KCNB2: variants seen among roughly 807,000 people sequenced by gnomAD.
KCNB2 encodes potassium voltage-gated channel subfamily B member 2.
In KCNB2, 15 loss-of-function variants were observed where a neutral mutation model predicts 61.5. The observed-to-expected ratio is 0.24, with a 90% CI of 0.16 to 0.38. KCNB2 has a LOEUF of 0.38. KCNB2 is among the 10% of genes least tolerant of loss of function. KCNB2 has a pLI of 1.00. For synonymous variants in KCNB2, 457 were observed against 446.0 expected (o/e 1.02, Z -0.31); for missense variants, 828 against 1,125.2 (o/e 0.74, Z 3.78).
rs974543722 is a variant in KCNB2 at position 72,844,479 on chromosome 8, T to C, written c.580-91456T>C. 3.3e-5 allele frequency among the ~76,000 whole-genome samples: 5 copies of C among 152,224 alleles called. No homozygotes were observed. In the South Asian group the frequency reaches 8.3e-4, roughly 25 times the overall value. On this transcript the variant is annotated intron_variant, in intron 2 of 2. Transcript: ENST00000523207. ...CTCTATATTTCCTGAATTTGAATGT[T>C]GCCCTATCTTGCTAGGTTGGGGAAG...
intron 2 of KCNB2, among the ~76,000 whole-genome samples, chr8:72,671,200 T>C (rs1315978719): frequency 6.6e-6 from 1 of 152,200 alleles, no homozygotes; most frequent in Non-Finnish European, 1.5e-5. Context: ...TTTTGTACCA[T>C]AATGTCTTGC....
At chr8:72,777,432 C>A (rs1176570678) in intron 2 of KCNB2, among the ~76,000 whole-genome samples, 1 of 152,132 alleles carries the variant, frequency 6.6e-6, no homozygotes, top group Non-Finnish European at 1.5e-5. Context: ...AGTGTCTCAG[C>A]AGGCCAGGTC....
chr8:72,574,155 A>G (rs1392429809), intron 2 of KCNB2, among the ~76,000 whole-genome samples: 3 of 152,234 alleles, frequency 2.0e-5, no homozygotes, highest in Admixed American at 6.5e-5. Context: ...AGAAAACACC[A>G]TTGGGTTTTG....
intron 2 of KCNB2, among the ~76,000 whole-genome samples, chr8:72,780,183 A>G (rs939915009): frequency 7.9e-5 from 12 of 152,198 alleles, no homozygotes; most frequent in African/African-American, 2.2e-4. Context: ...TACTTTATGT[A>G]TAACTTACGA....
chr8:72,671,636 A>C (rs1806567346), intron 2 of KCNB2, among the ~76,000 whole-genome samples: 1 of 152,094 alleles, frequency 6.6e-6, no homozygotes, highest in Admixed American at 6.6e-5. Context: ...TCCTGTATCT[A>C]GTTTCTCTTT....
intron 2 of KCNB2, among the ~76,000 whole-genome samples, chr8:72,676,435 T>C (rs1462995562): frequency 2.0e-5 from 3 of 151,758 alleles, no homozygotes; most frequent in African/African-American, 7.2e-5. Context: ...TTCCTGCCTC[T>C]GATCTGCCCT....
intron 2 of KCNB2, among the ~76,000 whole-genome samples, chr8:72,670,602 T>C (rs1006609558): frequency 2.0e-5 from 3 of 152,176 alleles, no homozygotes; most frequent in African/African-American, 7.2e-5. Context: ...TTCCTCTCCC[T>C]ACTCAAGGCA....
At chr8:72,782,958 T>A (rs1808787349) in intron 2 of KCNB2, among the ~76,000 whole-genome samples, 1 of 152,152 alleles carries the variant, frequency 6.6e-6, no homozygotes, top group Non-Finnish European at 1.5e-5. Flanking sequence ...CTTTTACTAT[T>A]CATAAGAATG....
intron 2 of KCNB2, among the ~76,000 whole-genome samples, chr8:72,738,823 G>T (rs147687874): frequency 6.6e-6 from 1 of 152,194 alleles, no homozygotes; most frequent in Non-Finnish European, 1.5e-5. Context: ...CAAGAGTTAA[G>T]TTTAAAAGAG....
chr8:72,895,124 G>A (rs1439690551), intron 2 of KCNB2, among the ~76,000 whole-genome samples: 1 of 152,188 alleles, frequency 6.6e-6, no homozygotes, highest in Non-Finnish European at 1.5e-5. Flanking sequence ...GAGAGAGGCA[G>A]AATGATGTTC....
intron 2 of KCNB2, among the ~76,000 whole-genome samples, chr8:72,931,400 T>G (rs1806780485): frequency 6.6e-6 from 1 of 152,218 alleles, no homozygotes; most frequent in Non-Finnish European, 1.5e-5. Context: ...GTATGGCCAT[T>G]TTCACGATAT....
At chr8:72,660,333 G>A (rs1806358376) in intron 2 of KCNB2, among the ~76,000 whole-genome samples, 1 of 152,160 alleles carries the variant, frequency 6.6e-6, no homozygotes, top group African/African-American at 2.4e-5. Flanking sequence ...GGATGAAGGT[G>A]GTCCGATGAA....
chr8:72,731,051 A>G (rs1373030361), intron 2 of KCNB2, among the ~76,000 whole-genome samples: 1 of 152,134 alleles, frequency 6.6e-6, no homozygotes, highest in Non-Finnish European at 1.5e-5. Flanking sequence ...TGATTGCTGG[A>G]TGTGAGATGT....
chr8:72,731,338 A>G (rs984885950), intron 2 of KCNB2, among the ~76,000 whole-genome samples: 1 of 152,224 alleles, frequency 6.6e-6, no homozygotes, highest in African/African-American at 2.4e-5. Context: ...AGACAAAACC[A>G]TATTGGACAT....
At chr8:72,573,959 C>G (rs932670974) in intron 2 of KCNB2, among the ~76,000 whole-genome samples, 1 of 152,212 alleles carries the variant, frequency 6.6e-6, no homozygotes, top group East Asian at 1.9e-4. Flanking sequence ...TTGTATTCTT[C>G]CAACAACATA....
chr8:72,826,312 C>G (rs1211119812), intron 2 of KCNB2, among the ~76,000 whole-genome samples: 2 of 152,148 alleles, frequency 1.3e-5, no homozygotes, highest in Non-Finnish European at 2.9e-5. Context: ...CCGTAGGATC[C>G]CATAGAACAC....
At chr8:72,607,427 A>G (rs770032439) in intron 2 of KCNB2, among the ~76,000 whole-genome samples, 4 of 152,276 alleles carry the variant, frequency 2.6e-5, no homozygotes, top group Admixed American at 2.6e-4. Flanking sequence ...AAGTTTAGCA[A>G]TGTATTTACT....
chr8:72,872,384 A>T (rs531554452), intron 2 of KCNB2, among the ~76,000 whole-genome samples: 18 of 152,288 alleles, frequency 1.2e-4, no homozygotes, highest in Middle Eastern at 3.4e-3. Flanking sequence ...TAAATCTCAT[A>T]AACCGGCTTT....
intron 2 of KCNB2, among the ~76,000 whole-genome samples, chr8:72,753,502 A>G (rs976861975): frequency 6.6e-6 from 1 of 152,228 alleles, no homozygotes; most frequent in African/African-American, 2.4e-5. Flanking sequence ...GTTGAGAGTT[A>G]CACACTGGGA....
Sources: gnomAD v4.1 joint callset for allele counts (sites outside exome capture counted in the v4.1 genomes callset) on GRCh38, gnomAD v4.1.1 for gene constraint, MANE v1.5 for transcripts, NCBI Gene and HGNC (gene_info 2026-07-23, HGNC 2026-07-21) for gene names.